Variants in SYNCRIP observed in about 807,000 individuals in gnomAD.
The protein encoded by SYNCRIP is heterogeneous nuclear ribonucleoprotein Q.
Under a neutral mutation model 68.9 loss-of-function variants are expected in SYNCRIP, and 9 were observed. The observed-to-expected ratio is 0.13, with a 90% confidence interval of 0.08 to 0.23. The LOEUF is 0.23. SYNCRIP is among the 10% of genes least tolerant of loss of function. The pLI is 1.00. For missense variants in SYNCRIP, 414 were observed against 770.6 expected, an observed-to-expected ratio of 0.54 and a Z score of 5.48; for synonymous variants, 258 against 254.0, an observed-to-expected ratio of 1.02 and a Z score of -0.15.
chr6:85,619,564 G>A (rs971899840), intron 8 of SYNCRIP, 147 bp from the exon 9 acceptor site: 17 of 677,008 alleles, frequency 2.5e-5, no homozygotes, highest in Non-Finnish European at 4.0e-5. Context: ...CAACTCCTTG[G>A]GTAAATATCA....
intron 10 of SYNCRIP, among the ~76,000 whole-genome samples, chr6:85,616,773 A>G (rs1478890054): frequency 1.3e-5 from 2 of 152,216 alleles, no homozygotes; most frequent in Non-Finnish European, 2.9e-5. Flanking sequence ...GAAATGATGG[A>G]AAGATCATCC....
At chr6:85,619,172 TC>T in intron 9 of SYNCRIP, 95 bp downstream of exon 9, 1 of 1,526,072 alleles carries the variant, frequency 6.6e-7, no homozygotes, top group Admixed American at 2.1e-5. Context: ...TCCATGGACT[TC>T]CAAAGTCTCC....
rs982956854 is a variant in SYNCRIP at position 85,641,173 on chromosome 6, A to G, written c.148+119T>C. The stretch of plus-strand genomic sequence containing the variant: ...AAACTTAAATTAACCAACTATCACA[A>G]CAAGCAAAACTCCAGTACCCACACT... On this transcript the variant is annotated intron_variant, in intron 2 of 10. Transcript: ENST00000369622. The G allele has an allele frequency of 9.4e-6, 7 of 746,674 alleles. No individual in the cohort carries two copies. In the East Asian group the frequency reaches 1.0e-4, roughly 11 times the overall value. 46.3% of individuals were successfully genotyped at this position (746,674 alleles called of 1,614,324 possible).
intron 7 of SYNCRIP, among the ~76,000 whole-genome samples, chr6:85,623,609 C>T (rs934652027): frequency 7.1e-6 from 1 of 140,742 alleles, no homozygotes; most frequent in Non-Finnish European, 1.5e-5. Context: ...ATACTTACTA[C>T]TCCTGTAATT....
At chr6:85,629,981 C>CAAA (rs71551492) in intron 6 of SYNCRIP, among the ~76,000 whole-genome samples, 1 of 120,276 alleles carries the variant, frequency 8.3e-6, no homozygotes. Flanking sequence ...GGATTTGTCT[C>CAAA]AAAAAAAAAA....
intron 6 of SYNCRIP, among the ~76,000 whole-genome samples, chr6:85,631,980 A>T (rs1807852126): frequency 2.0e-5 from 3 of 152,232 alleles, no homozygotes; most frequent in Admixed American, 2.0e-4. Flanking sequence ...ATGCTTCCCT[A>T]GCTAGATTAT....
rs1191223156 is a variant in SYNCRIP, at chr6:85,614,239, G to A, written c.*517C>T. ...TACATTTAGGTGTGAATTTTTTATT[G>A]AAATAAACAACAGCATAAAGAATAC... On this transcript the variant is annotated 3_prime_UTR_variant, in exon 11 of 11. Transcript: ENST00000369622. The A allele has an allele frequency of 1.0e-6, 1 of 985,294 alleles. No homozygotes were observed. The allele number at this position is 985,294 out of a possible 1,614,324, so 61.0% of individuals were successfully genotyped here. A position where few individuals can be genotyped will look rare whatever the true frequency, so the allele number is the denominator to read the frequency against.
At chr6:85,608,021 GCA>G (rs1255512779), downstream of SYNCRIP, 9 of 152,030 alleles carry the variant, frequency 5.9e-5, no homozygotes, top group African/African-American at 2.2e-4. Context: ...AAATATATTG[GCA>G]AGTCCCCGAT....
Position 85,614,941 on chromosome 6 carries a change from C to G in SYNCRIP, c.1687G>C (p.Gly563Arg). ...ARGGRGGNVG[G>R]KRKADGYNQP... ...TTGTACCCATCAGCTTTGCGCTTTC[C>G]TCCTACATTTCCACCGCGGCCACCC... Residue 563 changes from glycine (G) to arginine (R), a missense_variant, in exon 11 of 11, where the codon GGA (glycine) becomes CGA (arginine). Gly to Arg is a moderately radical substitution (Grantham distance 125). This residue lies in a region of SYNCRIP where 130 missense variants were observed against 149.0 expected (regional missense o/e 0.87). Coordinates refer to ENST00000369622, the MANE Select transcript of SYNCRIP (RefSeq NM_006372.5). The G allele has an allele frequency of 6.2e-7, 1 of 1,614,058 alleles. No homozygotes were observed. Among genetic ancestry groups the G allele is most frequent in the Non-Finnish European group, 8.5e-7 (1 of 1,179,970 alleles).
downstream of SYNCRIP, chr6:85,609,114 G>A (rs991373217): frequency 1.3e-5 from 2 of 151,784 alleles, no homozygotes. Flanking sequence ...GAATTCCTAT[G>A]GCCAGATGAA....
Position 85,614,149 on chromosome 6 carries a change from C to T in SYNCRIP, c.*607G>A. 5 of 985,824 alleles carry T rather than the reference C, an allele frequency of 5.1e-6. No individual in the cohort carries two copies. Among genetic ancestry groups the T allele is most frequent in the Non-Finnish European group, 4.8e-6 (4 of 829,930 alleles). The allele number at this position is 985,824 out of a possible 1,614,324, so 61.1% of individuals were successfully genotyped here. A position where few individuals can be genotyped will look rare whatever the true frequency, so the allele number is the denominator to read the frequency against. On this transcript the variant is annotated 3_prime_UTR_variant, in exon 11 of 11. Coordinates refer to ENST00000369622, the MANE Select transcript of SYNCRIP (RefSeq NM_006372.5). ...CTTTAATTGGCCTTGACATGCTATA[C>T]AATTTGAACCAAATTTGCAGGAAAT...
intron 8 of SYNCRIP, among the ~76,000 whole-genome samples, chr6:85,621,764 C>G (rs1806437135): frequency 6.6e-6 from 1 of 152,098 alleles, no homozygotes; most frequent in Non-Finnish European, 1.5e-5. Flanking sequence ...CTAAATGTAA[C>G]TGCAAGCACC....
rs935917156 is a variant in SYNCRIP, at chr6:85,635,232, C to T, written c.666+1735G>A. Among the ~76,000 whole-genome samples, 16 of 152,208 alleles carry T rather than the reference C, an allele frequency of 1.1e-4. 1 individual carries two copies. The highest frequency in any genetic ancestry group is 6.8e-3 in the Middle Eastern group (2 of 294). On this transcript the variant is annotated intron_variant, in intron 6 of 10. Transcript: ENST00000369622. ...TTTCTAGAGCTCTAAAATGCCCCTC[C>T]CCTCAAATTGAACTGCTGAAACTAA...
chr6:85,625,199 C>T (rs920413440), intron 6 of SYNCRIP, among the ~76,000 whole-genome samples: 1 of 152,028 alleles, frequency 6.6e-6, no homozygotes, highest in Non-Finnish European at 1.5e-5. Flanking sequence ...AAATTTATTG[C>T]TTTCTACCCC....
chr6:85,610,979 T>G (rs1425279741), downstream of SYNCRIP: 1 of 152,050 alleles, frequency 6.6e-6, no homozygotes, highest in Non-Finnish European at 1.5e-5. Context: ...CATACTCATT[T>G]TGTAGATAAG....
At chr6:85,623,348 G>A (rs1162621431) in intron 7 of SYNCRIP, among the ~76,000 whole-genome samples, 2 of 151,922 alleles carry the variant, frequency 1.3e-5, no homozygotes, top group East Asian at 3.9e-4. Context: ...CAGATCACTT[G>A]AGGTCAGGAG....
At chr6:85,633,577 G>A (rs536235727) in intron 6 of SYNCRIP, among the ~76,000 whole-genome samples, 40 of 152,172 alleles carry the variant, frequency 2.6e-4, no homozygotes, top group African/African-American at 8.2e-4. Flanking sequence ...GGCAACAGAG[G>A]GAGACTCCGT....
chr6:85,617,667 G>C (rs1805940182), intron 10 of SYNCRIP, among the ~76,000 whole-genome samples: 1 of 152,204 alleles, frequency 6.6e-6, no homozygotes, highest in African/African-American at 2.4e-5. Flanking sequence ...TTCAGAGCTT[G>C]CCAACTTGTC....
intron 2 of SYNCRIP, among the ~76,000 whole-genome samples, chr6:85,640,947 C>G (rs182620141): frequency 2.6e-4 from 40 of 152,240 alleles, no homozygotes; most frequent in Non-Finnish European, 5.4e-4. Context: ...ACCAGAAAGA[C>G]AAGAAAACAA....
Sources: allele counts gnomAD v4.1 joint callset (sites outside exome capture counted in the v4.1 genomes callset), GRCh38; gene constraint gnomAD v4.1.1; regional missense constraint gnomAD v4.1.1; transcripts MANE v1.5; gene names NCBI Gene and HGNC (gene_info 2026-07-23, HGNC 2026-07-21).